The following NKAIN3 variants were observed in gnomAD, a reference collection of about 807,000 sequenced individuals.
The protein encoded by NKAIN3 is sodium/potassium-transporting ATPase subunit beta-1-interacting protein 3.
NKAIN3 carries 25 observed loss-of-function variants against 30.2 expected under a neutral mutation model. That is an observed-to-expected ratio of 0.83 (90% CI 0.60 to 1.16). NKAIN3 has a LOEUF of 1.16. NKAIN3 is among the 50% of genes most tolerant of loss of function. NKAIN3 has a pLI of 0.00. For missense variants in NKAIN3, 225 were observed against 254.1 expected (o/e 0.89, Z 0.78); for synonymous variants, 91 against 89.6 (o/e 1.02, Z -0.09).
chr8:62,566,511 G>A (rs1004650987), intron 1 of NKAIN3, among the ~76,000 whole-genome samples: 1 of 152,022 alleles, frequency 6.6e-6, no homozygotes, highest in Non-Finnish European at 1.5e-5. Flanking sequence ...AATCTAAAAG[G>A]AAATAGTGAA....
intron 3 of NKAIN3, among the ~76,000 whole-genome samples, chr8:62,719,804 T>A (rs1815029348): frequency 7.0e-6 from 1 of 142,048 alleles, no homozygotes; most frequent in Admixed American, 7.5e-5. Flanking sequence ...ACATCCAGGC[T>A]GGAGTGCAGC....
chr8:62,416,571 C>A (rs1391150326), intron 1 of NKAIN3, among the ~76,000 whole-genome samples: 1 of 152,120 alleles, frequency 6.6e-6, no homozygotes, highest in African/African-American at 2.4e-5. Context: ...GGTACATGAG[C>A]TGTTTTGATA....
chr8:62,555,286 A>G (rs1052597276), intron 1 of NKAIN3, among the ~76,000 whole-genome samples: 1 of 152,180 alleles, frequency 6.6e-6, no homozygotes, highest in African/African-American at 2.4e-5. Flanking sequence ...GCTGAATTAA[A>G]TCCACAAATA....
intron 4 of NKAIN3, among the ~76,000 whole-genome samples, chr8:62,914,737 T>C (rs762872855): frequency 2.0e-5 from 3 of 151,832 alleles, no homozygotes; most frequent in Non-Finnish European, 4.4e-5. Flanking sequence ...AAAACTTAAG[T>C]AATTTTCTTT....
intron 4 of NKAIN3, among the ~76,000 whole-genome samples, chr8:62,900,946 T>C (rs1821596285): frequency 6.6e-6 from 1 of 152,140 alleles, no homozygotes. Context: ...AGAGCAACGC[T>C]GTTGGCAAGA....
chr8:62,607,483 C>T (rs1442746857), intron 3 of NKAIN3, among the ~76,000 whole-genome samples: 1 of 152,048 alleles, frequency 6.6e-6, no homozygotes, highest in Non-Finnish European at 1.5e-5. Context: ...TGGTGATGAG[C>T]TTTTATTTCT....
intron 3 of NKAIN3, among the ~76,000 whole-genome samples, chr8:62,615,032 C>T (rs1811408811): frequency 6.6e-6 from 1 of 152,124 alleles, no homozygotes; most frequent in African/African-American, 2.4e-5. Flanking sequence ...AGACAAAGTC[C>T]CCTTTACTTT....
chr8:62,495,514 C>G (rs1043954179), intron 1 of NKAIN3, among the ~76,000 whole-genome samples: 3 of 149,930 alleles, frequency 2.0e-5, no homozygotes, highest in African/African-American at 7.3e-5. Flanking sequence ...AAAAGTAGAC[C>G]TGCTGTCTGC....
chr8:62,959,570 G>C (rs1351287403), intron 6 of NKAIN3, among the ~76,000 whole-genome samples: 1 of 151,928 alleles, frequency 6.6e-6, no homozygotes, highest in Non-Finnish European at 1.5e-5. Flanking sequence ...CACCTAAAGA[G>C]GAATAGAATA....
At chr8:62,889,933 TA>T (rs148573355) in intron 4 of NKAIN3, among the ~76,000 whole-genome samples, 59 of 151,218 alleles carry the variant, frequency 3.9e-4, no homozygotes, top group Non-Finnish European at 6.8e-4. Flanking sequence ...TGGAATGGTA[TA>T]AAAAAAAACA....
intron 4 of NKAIN3, among the ~76,000 whole-genome samples, chr8:62,762,905 A>T (rs1176701586): frequency 6.6e-6 from 1 of 152,096 alleles, no homozygotes. Context: ...TTCAATAATT[A>T]GAGAAATCTT....
In NKAIN3 at chr8:62,257,281, T is replaced by G. The variant is rs573512569; in HGVS notation, c.54+8154T>G. 5.3e-5 allele frequency among the ~76,000 whole-genome samples: 8 copies of G among 152,358 alleles called. 1 individual carries two copies. The highest frequency in any genetic ancestry group is 3.4e-3 in the Middle Eastern group (1 of 294). On this transcript the variant is annotated intron_variant, in intron 1 of 6. Coordinates refer to ENST00000623646, the MANE Select transcript of NKAIN3 (RefSeq NM_001304533.3). ...AAGAAAGTTCTGCAATTCTCATGAC[T>G]TAAGCCTCCCTGACATATAACTATG... is the stretch of plus-strand genomic sequence containing the variant.
intron 1 of NKAIN3, among the ~76,000 whole-genome samples, chr8:62,502,987 G>C (rs920788118): frequency 1.3e-5 from 2 of 152,142 alleles, no homozygotes; most frequent in African/African-American, 4.8e-5. Flanking sequence ...GACTGGTACT[G>C]GTTTGGTCCA....
chr8:62,517,738 A>C (rs1808038429), intron 1 of NKAIN3, among the ~76,000 whole-genome samples: 1 of 152,110 alleles, frequency 6.6e-6, no homozygotes, highest in Non-Finnish European at 1.5e-5. Context: ...CAGCATTAGC[A>C]TATTGTGTTG....
intron 5 of NKAIN3, among the ~76,000 whole-genome samples, chr8:62,949,151 A>G (rs1375793396): frequency 1.3e-5 from 2 of 152,194 alleles, no homozygotes; most frequent in African/African-American, 4.8e-5. Flanking sequence ...CCAGGTTGAA[A>G]GCCAGCCACC....
At chr8:62,799,973 T>G (rs1467249530) in intron 4 of NKAIN3, among the ~76,000 whole-genome samples, 2 of 152,292 alleles carry the variant, frequency 1.3e-5, no homozygotes, top group Admixed American at 1.3e-4. Flanking sequence ...TATCATATGT[T>G]CTCACTCATG....
At chr8:62,335,998 T>C (rs1469064695) in intron 1 of NKAIN3, among the ~76,000 whole-genome samples, 4 of 152,094 alleles carry the variant, frequency 2.6e-5, no homozygotes, top group Non-Finnish European at 4.4e-5. Flanking sequence ...TTATGATTTC[T>C]ATAAGTCCAA....
chr8:62,429,598 A>T (rs1804930221), intron 1 of NKAIN3, among the ~76,000 whole-genome samples: 1 of 151,890 alleles, frequency 6.6e-6, no homozygotes, highest in East Asian at 1.9e-4. Context: ...GTCTTGTAGA[A>T]TTAGTTTGGA....
At chr8:62,675,881 T>A (rs1813461323) in intron 3 of NKAIN3, among the ~76,000 whole-genome samples, 1 of 152,228 alleles carries the variant, frequency 6.6e-6, no homozygotes, top group African/African-American at 2.4e-5. Context: ...GCTTTTAAAT[T>A]AGAAAAGGGG....
Sources: allele counts gnomAD v4.1 joint callset (sites outside exome capture counted in the v4.1 genomes callset), GRCh38; gene constraint gnomAD v4.1.1; transcripts MANE v1.5; gene names NCBI Gene and HGNC (gene_info 2026-07-23, HGNC 2026-07-21).